CBARP: variants seen among roughly 807,000 people sequenced by gnomAD.
CBARP encodes voltage-dependent calcium channel beta subunit-associated regulatory protein.
CBARP carries 24 observed loss-of-function variants against 36.3 expected under a neutral mutation model. That is an observed-to-expected ratio of 0.66 (90% CI 0.48 to 0.93). The LOEUF (loss-of-function observed/expected upper bound fraction) is 0.93, where lower values mean the gene tolerates loss of function less well. Ranked by LOEUF, CBARP falls within the 40% of genes least tolerant of loss-of-function variation. CBARP has a pLI of 0.00. For synonymous variants in CBARP, 586 were observed against 453.2 expected, an observed-to-expected ratio of 1.29 and a Z score of -3.72; for missense variants, 1,146 against 980.4, an observed-to-expected ratio of 1.17 and a Z score of -2.26.
intron 1 of CBARP, among the ~76,000 whole-genome samples, chr19:1,236,837 CGGGGGCGGCGGCCTG>C (rs1568751107): frequency 5.0e-5 from 1 of 19,854 alleles, no homozygotes; most frequent in East Asian, 1.8e-3. Flanking sequence ...GGAGGGGGCG[CGGGGGCGGCGGCCTG>C]GGGGGGGGCG....
At position 1,230,130 on chromosome 19, in the gene CBARP, G is replaced by C; in HGVS notation, c.1167C>G (p.Ala389=). 9.6e-7 allele frequency: 1 copy of C among 1,042,158 alleles called. No homozygotes were observed. The highest frequency in any genetic ancestry group is 1.2e-6 in the Non-Finnish European group (1 of 862,784). 64.6% of individuals were successfully genotyped at this position (1,042,158 alleles called of 1,614,324 possible). Residue 389 remains alanine, a synonymous_variant, in exon 10 of 10, where the codon GCC becomes GCG. Coordinates refer to ENST00000650044, the MANE Select transcript of CBARP (RefSeq NM_001393918.1). ...PPPALGRLEA[A]EAAGGASPDS... Reference sequence around the variant, plus strand: ...CGGGGCTCGCTCCTCCCGCTGCCTCGGCCGCCTCTAGCCTGCAAGCCAGGC... The same window carrying C: ...CGGGGCTCGCTCCTCCCGCTGCCTCCGCCGCCTCTAGCCTGCAAGCCAGGC...
rs753427754 is a variant in CBARP, at chr19:1,235,873, C to T, written c.151G>A (p.Val51Met). The T allele has an allele frequency of 3.7e-6, 6 of 1,612,318 alleles. No homozygotes were observed. The Admixed American group carries it at 1.0e-4, about 27-fold the overall frequency. Residue 51 changes from valine (V) to methionine (M), a missense_variant, in exon 3 of 10, where the codon GTG (valine) becomes ATG (methionine). By Grantham distance (21) the Val-to-Met change is conservative. Transcript: ENST00000650044. ...ILDNYVLLVV[V>M]MSLFVGGTLV... ...GTGCCCCCCACGAACAGCGACATCA[C>T]CACCACCAGCAGCACGTAGTTGTCC...
At position 1,229,221 on chromosome 19, in the gene CBARP, C is replaced by A; in HGVS notation, c.2076G>T (p.Leu692Phe). The A allele has an allele frequency of 1.6e-6, 2 of 1,217,690 alleles. No individual in the cohort carries two copies. Among genetic ancestry groups the A allele is most frequent in the Non-Finnish European group, 1.0e-6 (1 of 955,290 alleles). 75.4% of individuals were successfully genotyped at this position (1,217,690 alleles called of 1,614,324 possible). Reference protein sequence around the residue: ...LAEPVVATPALVAAAPTSPDH... With the variant: ...LAEPVVATPAFVAAAPTSPDH... ...CGGGGGACGTGGGGGCGGCGGCGAC[C>A]AACGCGGGAGTCGCCACGACGGGCT... is the stretch of plus-strand genomic sequence containing the variant. The change falls in exon 10 of 10, where the codon TTG (leucine) becomes TTT (phenylalanine). Residue 692 changes from leucine to phenylalanine, a missense_variant. Leu to Phe is a conservative substitution (Grantham distance 22). Transcript: ENST00000650044. The surrounding 1 kb of genome is among the most constrained non-coding windows in gnomAD (Gnocchi z 5.1).
intron 3 of CBARP, 64 bp from the exon 4 acceptor site, chr19:1,235,629 C>G: frequency 6.3e-7 from 1 of 1,584,804 alleles, no homozygotes; most frequent in Non-Finnish European, 8.6e-7. Context: ...TGGGTCTCGG[C>G]TCTTTGCCCC....
rs1330256321 is a variant in CBARP at position 1,235,075 on chromosome 19, G to A, written c.381C>T (p.Ser127=). Residue 127 remains serine (S), a synonymous_variant, in exon 5 of 10, where the codon TCC becomes TCT. Transcript: ENST00000650044. Reference sequence around the variant, plus strand: ...CATTGAAGGAGACCCGGCGGCCCGTGGAGCTGGTGGACAGGAAGCGTTCGG... The same window carrying A: ...CATTGAAGGAGACCCGGCGGCCCGTAGAGCTGGTGGACAGGAAGCGTTCGG... ...AETERFLSTS[S]TGRRVSFNEA... 1 of 1,610,208 alleles carries A rather than the reference G, an allele frequency of 6.2e-7. No individual in the cohort carries two copies. Among genetic ancestry groups the A allele is most frequent in the Non-Finnish European group, 8.5e-7 (1 of 1,178,874 alleles).
chr19:1,238,203 G>A (rs1311057984), upstream of CBARP: 1 of 152,066 alleles, frequency 6.6e-6, no homozygotes, highest in Admixed American at 6.5e-5. Flanking sequence ...GGGTGTCCTG[G>A]AATTCACGAC....
chr19:1,234,201 T>TC lies in CBARP; in HGVS notation c.757dup (p.Glu253GlyfsTer90). 1 of 1,521,210 alleles carries TC rather than the reference T, an allele frequency of 6.6e-7. No homozygotes were observed. The highest frequency in any genetic ancestry group is 8.8e-7 in the Non-Finnish European group (1 of 1,138,968). The allele number at this position is 1,521,210 out of a possible 1,614,324, so 94.2% of individuals were successfully genotyped here. On this transcript the variant is annotated frameshift_variant, in exon 7 of 10. Coordinates refer to ENST00000650044, the MANE Select transcript of CBARP (RefSeq NM_001393918.1). LOFTEE classifies it high-confidence loss of function. ...CGCAGGGGCCCTCACCGAGGTGCCT[T>TC]CCCCAGAGTCGCTAGATGCCGAGGG... is the stretch of plus-strand genomic sequence containing the variant.
intron 8 of CBARP, among the ~76,000 whole-genome samples, chr19:1,232,572 C>G (rs2080908136): frequency 6.6e-6 from 1 of 152,170 alleles, no homozygotes; most frequent in Admixed American, 6.5e-5. Flanking sequence ...GACACCTCTG[C>G]TCCCCACACA....
chr19:1,234,475 A>C, intron 6 of CBARP, 96 bp downstream of exon 6: 1 of 1,418,690 alleles, frequency 7.0e-7, no homozygotes, highest in Admixed American at 2.6e-5. Context: ...GATGAGGGCC[A>C]CCCAGAAAAA....
In CBARP at chr19:1,234,816, C is replaced by T. The variant is rs761832158; in HGVS notation, c.456-74G>A. The stretch of plus-strand genomic sequence containing the variant: ...GCCCCAGCTGCCGTGCTCTGCCATC[C>T]ACCCTGCCGGCCTGGGCAGGGGCAG... On this transcript the variant is annotated intron_variant, in intron 5 of 9. Coordinates refer to ENST00000650044, the MANE Select transcript of CBARP (RefSeq NM_001393918.1). 11 of 1,550,384 alleles carry T rather than the reference C, an allele frequency of 7.1e-6. No homozygotes were observed. In the South Asian group the frequency reaches 9.5e-5, roughly 13 times the overall value.
At chr19:1,234,164 C>T in intron 7 of CBARP, 27 bp downstream of exon 7, 1 of 1,490,800 alleles carries the variant, frequency 6.7e-7, no homozygotes, top group East Asian at 2.4e-5. Flanking sequence ...GCTGTGGACA[C>T]CATGGGGGAC....
chr19:1,230,041 G>A lies in CBARP; in HGVS notation c.1256C>T (p.Pro419Leu), dbSNP rs1319254028. 4 of 1,218,788 alleles carry A rather than the reference G, an allele frequency of 3.3e-6. No homozygotes were observed. Among genetic ancestry groups the A allele is most frequent in the African/African-American group, 3.3e-5 (2 of 60,554 alleles). 75.5% of individuals were successfully genotyped at this position (1,218,788 alleles called of 1,614,324 possible). The part of the protein sequence containing the change: ...GPEQQQPPLE[P>L]DAERDAGPEQ... ...GGGGCCCGCGTCCCGCTCGGCGTCC[G>A]GCTCCAGTGGCGGCTGCTGCTGCTC... Residue 419 changes from proline (P) to leucine (L), a missense_variant, in exon 10 of 10, where the codon CCG becomes CTG. Coordinates refer to ENST00000650044, the MANE Select transcript of CBARP (RefSeq NM_001393918.1).
chr19:1,236,838 G>A (rs2080980560), intron 1 of CBARP, among the ~76,000 whole-genome samples: 1 of 146,342 alleles, frequency 6.8e-6, no homozygotes, highest in South Asian at 2.1e-4. Flanking sequence ...GAGGGGGCGC[G>A]GGGGCGGCGG....
Position 1,229,580 on chromosome 19 carries a change from C to T in CBARP, c.1717G>A (p.Ala573Thr). The change falls in exon 10 of 10, where the codon GCG becomes ACG. Residue 573 changes from alanine to threonine, a missense_variant. Physicochemically the swap from Ala to Thr is moderately conservative, Grantham distance 58. Transcript: ENST00000650044. This position sits in a 1 kb window ranked among gnomAD's most constrained non-coding sequence, Gnocchi z 5.1. ...CACTGTTTGCGGGCGTGCGGGTGCGCGCGGGCGCGGTGTCGCGCGGCAGCC... is the reference window on the plus strand; with the variant it reads ...CACTGTTTGCGGGCGTGCGGGTGCGTGCGGGCGCGGTGTCGCGCGGCAGCC... ...TPAAARHRARAHPHARKQWQR... is the reference protein window; with the variant it reads ...TPAAARHRARTHPHARKQWQR... 8.6e-7 allele frequency: 1 copy of T among 1,163,792 alleles called. No individual in the cohort carries two copies. The highest frequency in any genetic ancestry group is 1.5e-5 in the South Asian group (1 of 66,120). The allele number at this position is 1,163,792 out of a possible 1,614,324, so 72.1% of individuals were successfully genotyped here. A position where few individuals can be genotyped will look rare whatever the true frequency, so the allele number is the denominator to read the frequency against.
chr19:1,235,758 G>A (rs754510450), intron 3 of CBARP, 21 bp downstream of exon 3: 3 of 1,606,156 alleles, frequency 1.9e-6, no homozygotes, highest in Admixed American at 1.7e-5. Context: ...CACCTGCCCA[G>A]CCGAGGTGGG....
At chr19:1,235,435 G>C in intron 4 of CBARP, 66 bp downstream of exon 4, 1 of 1,469,892 alleles carries the variant, frequency 6.8e-7, no homozygotes, top group South Asian at 1.3e-5. Flanking sequence ...GCAGCCCGAG[G>C]GGGCGGCGGG....
Position 1,229,595 on chromosome 19 carries a change from G to C in CBARP, c.1702C>G (p.Arg568Gly). ...PHFDDTPAAA[R>G]HRARAHPHAR... ...TGCGGGTGCGCGCGGGCGCGGTGTC[G>C]CGCGGCAGCCGGCGTGTCGTCGAAG... The change falls in exon 10 of 10, where the codon CGA becomes GGA. Residue 568 changes from arginine (R) to glycine (G), a missense_variant. Transcript: ENST00000650044. This position sits in a 1 kb window ranked among gnomAD's most constrained non-coding sequence, Gnocchi z 5.1. 1 of 1,192,564 alleles carries C rather than the reference G, an allele frequency of 8.4e-7. No individual in the cohort carries two copies. 73.9% of individuals were successfully genotyped at this position (1,192,564 alleles called of 1,614,324 possible).
chr19:1,230,385 G>T, intron 9 of CBARP: 2 of 987,424 alleles, frequency 2.0e-6, no homozygotes, highest in Middle Eastern at 5.2e-4. Flanking sequence ...AGACGGCGGG[G>T]CCCCCTCCCT....
intron 8 of CBARP, among the ~76,000 whole-genome samples, 183 bp from the exon 9 acceptor site, chr19:1,231,458 GCC>G (rs1273842998): frequency 1.1e-5 from 1 of 90,060 alleles, no homozygotes; most frequent in Non-Finnish European, 2.1e-5. Context: ...CAACGCCTGG[GCC>G]CCCCCCACAC....
Sources: allele counts gnomAD v4.1 joint callset (sites outside exome capture counted in the v4.1 genomes callset), GRCh38; gene constraint gnomAD v4.1.1; non-coding constraint Gnocchi (gnomAD v3.1); transcripts MANE v1.5; gene names NCBI Gene and HGNC (gene_info 2026-07-23, HGNC 2026-07-21).